FILIP1: variants seen among roughly 807,000 people sequenced by gnomAD.
FILIP1 encodes filamin A interacting protein 1, also known as filamin-A-interacting protein 1.
Under a neutral mutation model 102.1 loss-of-function variants are expected in FILIP1, and 61 were observed. That is an observed-to-expected ratio of 0.60 (90% CI 0.49 to 0.74). The LOEUF (loss-of-function observed/expected upper bound fraction) is 0.74, where lower values mean the gene tolerates loss of function less well. Ranked by LOEUF, FILIP1 falls within the 30% of genes least tolerant of loss-of-function variation. FILIP1 has a pLI of 0.00. For missense variants in FILIP1, 1,314 were observed against 1,441.2 expected, an observed-to-expected ratio of 0.91 and a Z score of 1.43; for synonymous variants, 491 against 526.9, an observed-to-expected ratio of 0.93 and a Z score of 0.93.
chr6:75,492,530 C>T (rs185160513), intron 1 of FILIP1, among the ~76,000 whole-genome samples: 54 of 152,178 alleles, frequency 3.5e-4, no homozygotes, highest in Non-Finnish European at 6.9e-4. Flanking sequence ...AATGTACAAC[C>T]ATAAGTTGTC....
intron 4 of FILIP1, among the ~76,000 whole-genome samples, chr6:75,321,060 C>A (rs1263445401): frequency 6.6e-6 from 1 of 152,090 alleles, no homozygotes; most frequent in Non-Finnish European, 1.5e-5. Context: ...TCTTCCTCTT[C>A]TACTTCCTCC....
At chr6:75,363,011 C>A (rs1775221179) in intron 2 of FILIP1, 94 bp from the exon 3 acceptor site, 1 of 1,284,848 alleles carries the variant, frequency 7.8e-7, no homozygotes, top group South Asian at 1.3e-5. Context: ...AATACATCCC[C>A]ATCTTGTCAG....
chr6:75,444,623 A>T (rs2149726494), intron 1 of FILIP1, among the ~76,000 whole-genome samples: 1 of 152,292 alleles, frequency 6.6e-6, no homozygotes, highest in Admixed American at 6.5e-5. Flanking sequence ...TCAGTCTATC[A>T]CTTGACACTC....
rs1268558002 is a variant in FILIP1, at chr6:75,312,602, C to T, written c.3230G>A (p.Arg1077Gln). 6 of 1,613,966 alleles carry T rather than the reference C, an allele frequency of 3.7e-6. No individual in the cohort carries two copies. The highest frequency in any genetic ancestry group is 2.2e-5 in the South Asian group (2 of 91,068). Residue 1077 changes from arginine (R) to glutamine (Q), a missense_variant, in exon 5 of 6, where the codon CGG becomes CAG. Arg to Gln is a conservative substitution (Grantham distance 43). Transcript: ENST00000237172. ...TCCTTCACCTGAAGTCCCAGGGGAC[C>T]GTTTAAACTGAGACCCTAAGTGAAT... ...IHIHLGSQFK[R>Q]SPGTSGEGVS... is the part of the protein sequence containing the mutation.
exon 7 of FILIP1, chr6:75,294,475 G>A (rs558760277): frequency 6.6e-6 from 1 of 152,056 alleles, no homozygotes; most frequent in East Asian, 1.9e-4. Flanking sequence ...GTTTCAAGTA[G>A]ACTTTAGATG....
chr6:75,328,499 G>C (rs1020076440), intron 4 of FILIP1, among the ~76,000 whole-genome samples: 6 of 151,894 alleles, frequency 4.0e-5, no homozygotes, highest in African/African-American at 1.2e-4. Context: ...TTGTTTGTTT[G>C]TTTGTTTCTT....
intron 1 of FILIP1, among the ~76,000 whole-genome samples, chr6:75,476,751 A>G (rs1779485249): frequency 6.6e-6 from 1 of 152,156 alleles, no homozygotes; most frequent in Admixed American, 6.5e-5. Context: ...TACTTACACC[A>G]TGTTCTCCCT....
At chr6:75,368,717 C>A (rs1270586605) in intron 2 of FILIP1, among the ~76,000 whole-genome samples, 2 of 152,058 alleles carry the variant, frequency 1.3e-5, no homozygotes, top group South Asian at 2.1e-4. Flanking sequence ...TATACAAAGG[C>A]CAAACAGATT....
At chr6:75,319,930 T>G (rs1773590722) in intron 4 of FILIP1, 3 of 456,172 alleles carry the variant, frequency 6.6e-6, no homozygotes, top group Non-Finnish European at 1.2e-5. Context: ...GCACAAAGAA[T>G]GCATATCATG....
At chr6:75,466,874 G>T (rs188969678) in intron 1 of FILIP1, among the ~76,000 whole-genome samples, 167 of 152,230 alleles carry the variant, frequency 1.1e-3, no homozygotes, top group Non-Finnish European at 1.9e-3. Flanking sequence ...AGCCACATGT[G>T]GTTACTGTAT....
intron 6 of FILIP1, chr6:75,296,526 G>C (rs1001415426): frequency 7.1e-6 from 1 of 140,668 alleles, no homozygotes; most frequent in African/African-American, 2.8e-5. Context: ...TTTAGGTGGA[G>C]TCTCGCTCTG....
At chr6:75,368,118 A>G (rs1775399530) in intron 2 of FILIP1, among the ~76,000 whole-genome samples, 1 of 152,248 alleles carries the variant, frequency 6.6e-6, no homozygotes, top group Non-Finnish European at 1.5e-5. Flanking sequence ...CTCTTCCATC[A>G]GACATAGTTC....
chr6:75,342,514 GGTATGCTCACCCA>G (rs1774447511), intron 4 of FILIP1, among the ~76,000 whole-genome samples: 1 of 152,182 alleles, frequency 6.6e-6, no homozygotes, highest in Non-Finnish European at 1.5e-5. Context: ...GTTAATTACG[GGTATGCTCACCCA>G]AGCCTAGTTT....
At chr6:75,431,036 T>C (rs1388057395) in intron 1 of FILIP1, among the ~76,000 whole-genome samples, 1 of 152,216 alleles carries the variant, frequency 6.6e-6, no homozygotes, top group East Asian at 1.9e-4. Context: ...CATGTTATAA[T>C]AAGACTACAC....
Position 75,308,573 on chromosome 6 carries a change from T to C in FILIP1, c.*118A>G. 1 of 1,510,886 alleles carries C rather than the reference T, an allele frequency of 6.6e-7. No homozygotes were observed. Among genetic ancestry groups the C allele is most frequent in the Non-Finnish European group, 8.8e-7 (1 of 1,135,780 alleles). The allele number at this position is 1,510,886 out of a possible 1,614,324, so 93.6% of individuals were successfully genotyped here. A position where few individuals can be genotyped will look rare whatever the true frequency, so the allele number is the denominator to read the frequency against. ...ACAAATGGTTATTAGTTGGTTATTTTATAAACACAATATTTAAAACTTAAA... is the reference window on the plus strand; with the variant it reads ...ACAAATGGTTATTAGTTGGTTATTTCATAAACACAATATTTAAAACTTAAA... On this transcript the variant is annotated 3_prime_UTR_variant, in exon 6 of 6. Coordinates refer to ENST00000237172, the MANE Select transcript of FILIP1 (RefSeq NM_015687.5).
intron 5 of FILIP1, among the ~76,000 whole-genome samples, chr6:75,309,534 C>T (rs1000134765): frequency 2.0e-5 from 3 of 152,096 alleles, no homozygotes; most frequent in African/African-American, 7.2e-5. Context: ...TTAATATTCA[C>T]CCTGAGAATT....
chr6:75,353,164 C>A (rs2149601693), intron 4 of FILIP1, among the ~76,000 whole-genome samples: 1 of 151,416 alleles, frequency 6.6e-6, no homozygotes, highest in South Asian at 2.1e-4. Flanking sequence ...ATGTAACAAA[C>A]CTGCACGTTG....
intron 1 of FILIP1, among the ~76,000 whole-genome samples, chr6:75,435,722 CTT>C (rs1201919177): frequency 1.3e-5 from 2 of 152,218 alleles, no homozygotes; most frequent in Admixed American, 1.3e-4. Flanking sequence ...TTCCTTCTCT[CTT>C]GATTTCTGCT....
chr6:75,388,120 C>A (rs1469487092), intron 2 of FILIP1, among the ~76,000 whole-genome samples: 1 of 152,194 alleles, frequency 6.6e-6, no homozygotes, highest in Non-Finnish European at 1.5e-5. Context: ...GTTTTCCCAA[C>A]ACCATTTATT....
Sources: allele counts gnomAD v4.1 joint callset (sites outside exome capture counted in the v4.1 genomes callset), GRCh38; gene constraint gnomAD v4.1.1; transcripts MANE v1.5; gene names NCBI Gene and HGNC (gene_info 2026-07-23, HGNC 2026-07-21).